The following NFIB variants were observed in gnomAD, a reference collection of about 807,000 sequenced individuals.
NFIB encodes nuclear factor 1 B-type.
A neutral mutation model predicts 61.5 loss-of-function variants in NFIB; 11 were observed. The observed-to-expected ratio is 0.18, with a 90% CI of 0.11 to 0.30. NFIB has a LOEUF of 0.30. NFIB is among the 10% of genes least tolerant of loss of function. The pLI is 1.00. For missense variants in NFIB, 471 were observed against 608.9 expected, an observed-to-expected ratio of 0.77 and a Z score of 2.38; for synonymous variants, 260 against 216.5, an observed-to-expected ratio of 1.20 and a Z score of -1.76.
the NFIB span, among the ~76,000 whole-genome samples, chr9:14,442,822 A>T: frequency 6.6e-6 from 1 of 152,200 alleles, no homozygotes; most frequent in Non-Finnish European, 1.5e-5. Context: ...GGCTTAACCC[A>T]TAAACCATGA....
intron 7 of NFIB, among the ~76,000 whole-genome samples, chr9:14,123,805 T>C (rs943575854): frequency 1.3e-5 from 2 of 150,452 alleles, no homozygotes; most frequent in Non-Finnish European, 3.0e-5. Flanking sequence ...CTGCCTTCCA[T>C]GTTGCCCCTC....
At chr9:14,128,617 G>C (rs1433325628) in intron 6 of NFIB, among the ~76,000 whole-genome samples, 1 of 150,160 alleles carries the variant, frequency 6.7e-6, no homozygotes, top group Non-Finnish European at 1.5e-5. Flanking sequence ...AGAATCGCTT[G>C]AACCTTGGAG....
At position 14,376,307 on chromosome 9, in the gene NFIB, T is replaced by C. The variant is rs78366205; in HGVS notation, c.108+22217A>G. ...GGAGCTTACAATCATGTTTTAAACA[T>C]AATTTTTAAAAAAGTTAACATTTTG... On this transcript the variant is annotated intron_variant, in intron 1 of 8. Coordinates refer to the NFIB transcript ENST00000380934. Among the ~76,000 whole-genome samples the C allele has an allele frequency of 5.1e-4, 77 of 152,052 alleles. No homozygotes were observed. In the East Asian group the frequency reaches 0.014, roughly 27 times the overall value.
At chr9:14,349,267 C>A (rs1221421996) in intron 1 of NFIB, among the ~76,000 whole-genome samples, 7 of 152,096 alleles carry the variant, frequency 4.6e-5, no homozygotes, top group Non-Finnish European at 7.3e-5. Context: ...AAGGACAGTT[C>A]AGGCTGGGCC....
chr9:14,132,998 A>G (rs2040579400), intron 6 of NFIB, among the ~76,000 whole-genome samples: 1 of 152,138 alleles, frequency 6.6e-6, no homozygotes, highest in Admixed American at 6.5e-5. Flanking sequence ...TACTGACCAG[A>G]GGAGTTTGAT....
chr9:14,435,839 T>G, the NFIB span, among the ~76,000 whole-genome samples: 3 of 152,194 alleles, frequency 2.0e-5, no homozygotes, highest in Non-Finnish European at 4.4e-5. Flanking sequence ...CCAGGCTTCT[T>G]CTGGACTCTT....
At chr9:14,504,318 T>G in the NFIB span, among the ~76,000 whole-genome samples, 1 of 152,292 alleles carries the variant, frequency 6.6e-6, no homozygotes, top group South Asian at 2.1e-4. Flanking sequence ...TGGCTCTTTT[T>G]TTGGTTCCAT....
At chr9:14,227,574 T>C (rs991347046) in intron 2 of NFIB, among the ~76,000 whole-genome samples, 1 of 152,242 alleles carries the variant, frequency 6.6e-6, no homozygotes, top group African/African-American at 2.4e-5. Context: ...AATACTGGCA[T>C]GAAAATTTAC....
At chr9:14,169,960 C>T (rs2045382849) in intron 3 of NFIB, among the ~76,000 whole-genome samples, 2 of 152,182 alleles carry the variant, frequency 1.3e-5, no homozygotes, top group African/African-American at 4.8e-5. Context: ...TAAATCACAT[C>T]CTTTAATCCT....
intron 8 of NFIB, 141 bp from the exon 9 acceptor site, chr9:14,116,487 G>C: frequency 1.3e-6 from 1 of 799,456 alleles, no homozygotes; most frequent in Non-Finnish European, 1.7e-6. Flanking sequence ...GTCGGAGTCG[G>C]AGAGGCCAGT....
chr9:14,110,688 T>C (rs1041508579), intron 10 of NFIB, among the ~76,000 whole-genome samples: 4 of 152,146 alleles, frequency 2.6e-5, no homozygotes, highest in Non-Finnish European at 5.9e-5. Flanking sequence ...AAACTATTTC[T>C]GTTTCTTTAT....
At chr9:14,521,960 C>T in the NFIB span, among the ~76,000 whole-genome samples, 1 of 152,150 alleles carries the variant, frequency 6.6e-6, no homozygotes. Context: ...TTGGAATTCC[C>T]TATGAAAGTT....
the NFIB span, among the ~76,000 whole-genome samples, chr9:14,462,743 T>C: frequency 6.6e-6 from 1 of 152,238 alleles, no homozygotes; most frequent in African/African-American, 2.4e-5. Context: ...GAGGCGTTCC[T>C]GACCACAGGG....
At chr9:14,441,362 G>A in the NFIB span, among the ~76,000 whole-genome samples, 2 of 152,066 alleles carry the variant, frequency 1.3e-5, no homozygotes, top group African/African-American at 2.4e-5. Flanking sequence ...GGTCTGCGCC[G>A]ATTTTAATTG....
intron 2 of NFIB, among the ~76,000 whole-genome samples, chr9:14,213,672 A>G (rs1039458758): frequency 6.6e-6 from 1 of 152,190 alleles, no homozygotes; most frequent in African/African-American, 2.4e-5. Context: ...TGGTTTCCCC[A>G]TAGCCCTTAG....
chr9:14,142,086 C>G (rs1348577583), intron 6 of NFIB, among the ~76,000 whole-genome samples: 1 of 152,024 alleles, frequency 6.6e-6, no homozygotes, highest in East Asian at 1.9e-4. Context: ...GAATTGTTTT[C>G]AATGTTCAAG....
intron 10 of NFIB, among the ~76,000 whole-genome samples, chr9:14,098,808 T>C (rs2035283111): frequency 6.6e-6 from 1 of 152,230 alleles, no homozygotes; most frequent in Non-Finnish European, 1.5e-5. Flanking sequence ...CACATGTGTG[T>C]GCACACACAC....
At chr9:14,201,613 C>T (rs555723879) in intron 2 of NFIB, among the ~76,000 whole-genome samples, 62 of 152,096 alleles carry the variant, frequency 4.1e-4, no homozygotes, top group Non-Finnish European at 7.8e-4. Flanking sequence ...GTGCAGGGCC[C>T]GACCAGTGCA....
At chr9:14,466,616 G>A in the NFIB span, among the ~76,000 whole-genome samples, 3 of 152,094 alleles carry the variant, frequency 2.0e-5, no homozygotes, top group Admixed American at 6.5e-5. Flanking sequence ...TCTCCATAGC[G>A]GTGGAACACA....
Sources: gnomAD v4.1 joint callset for allele counts (sites outside exome capture counted in the v4.1 genomes callset) on GRCh38, gnomAD v4.1.1 for gene constraint, MANE v1.5 for transcripts, NCBI Gene and HGNC (gene_info 2026-07-23, HGNC 2026-07-21) for gene names.